The following POLR3GL variants were observed in gnomAD, a reference collection of about 807,000 sequenced individuals.
The protein encoded by POLR3GL is RNA polymerase III subunit GL, also known as DNA-directed RNA polymerase III subunit RPC7-like.
A neutral mutation model predicts 32.4 loss-of-function variants in POLR3GL; 26 were observed. That is an observed-to-expected ratio of 0.80 (90% CI 0.59 to 1.11). The LOEUF is 1.11. Among genes scored for constraint, POLR3GL ranks in the 50% most tolerant of loss-of-function variants. POLR3GL has a pLI of 0.00. For synonymous variants in POLR3GL, 95 were observed against 98.7 expected (o/e 0.96, Z 0.22); for missense variants, 229 against 280.1 (o/e 0.82, Z 1.30).
chr1:145,976,884 G>C lies in POLR3GL; in HGVS notation c.257-200G>C, dbSNP rs587761768. The stretch of plus-strand genomic sequence containing the variant: ...GCTGAGATTGTACCACTGCACTCCA[G>C]CCTGAGGGACAGAGCGAGACTCTGT... On this transcript the variant is annotated intron_variant, in intron 3 of 7. Coordinates refer to ENST00000369314, the MANE Select transcript of POLR3GL (RefSeq NM_032305.3). Among the ~76,000 whole-genome samples, 159 of 140,740 alleles carry C rather than the reference G, an allele frequency of 1.1e-3. 1 individual carries two copies. Among genetic ancestry groups the C allele is most frequent in the African/African-American group, 4.0e-3 (153 of 37,852 alleles). 92.3% of individuals were successfully genotyped at this position (140,740 alleles called of 152,430 possible).
intron 1 of POLR3GL, among the ~76,000 whole-genome samples, chr1:145,972,059 A>T (rs1169801652): frequency 2.9e-5 from 4 of 139,572 alleles, no homozygotes; most frequent in African/African-American, 1.1e-4. Flanking sequence ...GAGAGAGAGA[A>T]ATTCCCTATA....
At chr1:145,977,704 T>C (rs1650625689) in intron 5 of POLR3GL, 74 bp from the exon 6 acceptor site, 7 of 1,432,362 alleles carry the variant, frequency 4.9e-6, no homozygotes, top group Non-Finnish European at 6.9e-6. Context: ...AGTGACATGT[T>C]CTTTGCATGA....
chr1:145,971,964 CAAAAAAAAA>C (rs1187495263), intron 1 of POLR3GL, among the ~76,000 whole-genome samples: 1 of 45,590 alleles, frequency 2.2e-5, no homozygotes, highest in African/African-American at 1.2e-4. Context: ...GACTCTGTCT[CAAAAAAAAA>C]AAAAAAAAAA....
intron 3 of POLR3GL, among the ~76,000 whole-genome samples, chr1:145,975,984 A>G (rs587636321): frequency 6.9e-4 from 105 of 151,254 alleles, no homozygotes; most frequent in African/African-American, 2.3e-3. Context: ...AAAAAAAAAA[A>G]TCATCATGGC....
chr1:145,976,967 C>A, intron 3 of POLR3GL, 117 bp from the exon 4 acceptor site: 1 of 784,610 alleles, frequency 1.3e-6, no homozygotes, highest in Non-Finnish European at 2.2e-6. Flanking sequence ...ACCCCCTGGG[C>A]TCTGGGTTTG....
Position 145,974,904 on chromosome 1 carries a change from C to T in POLR3GL, c.39C>T (p.Gly13=). 2 of 1,523,186 alleles carry T rather than the reference C, an allele frequency of 1.3e-6. No individual in the cohort carries two copies. Among genetic ancestry groups the T allele is most frequent in the Non-Finnish European group, 1.7e-6 (2 of 1,145,336 alleles). 94.4% of individuals were successfully genotyped at this position (1,523,186 alleles called of 1,614,324 possible). A position where few individuals can be genotyped will look rare whatever the true frequency, so the allele number is the denominator to read the frequency against. The change falls in exon 2 of 8, where the codon GGC becomes GGT. Residue 13 remains glycine (G), a synonymous_variant. Coordinates refer to ENST00000369314, the MANE Select transcript of POLR3GL (RefSeq NM_032305.3). ...SRGGGRGRGR[G]QLTFNVEAVG... The stretch of plus-strand genomic sequence containing the variant: ...GTGGGGGCCGGGGTCGTGGCCGGGG[C>T]CAGTTGACCTTCAACGTGGAGGCCG...
chr1:145,977,792 C>T lies in POLR3GL; in HGVS notation c.397C>T (p.Leu133Phe), dbSNP rs151149111. ...KLQKERITIL[L>F]PKRPPKTTED... ...CCCTCCACCAGGGATTACAATTCTG[C>T]TCCCCAAGAGGCCCCCTAAGACCAC... Residue 133 changes from leucine to phenylalanine, a missense_variant, in exon 6 of 8, where the codon CTC (leucine) becomes TTC (phenylalanine). Physicochemically the swap from Leu to Phe is conservative, Grantham distance 22. Coordinates refer to ENST00000369314, the MANE Select transcript of POLR3GL (RefSeq NM_032305.3). 4 of 1,613,906 alleles carry T rather than the reference C, an allele frequency of 2.5e-6. No homozygotes were observed. The African/African-American group carries it at 4.0e-5, about 16-fold the overall frequency.
Position 145,972,010 on chromosome 1 carries a change from A to G in POLR3GL, c.-41-2815A>G, listed in dbSNP as rs57987863. On this transcript the variant is annotated intron_variant, in intron 1 of 7. Coordinates refer to ENST00000369314, the MANE Select transcript of POLR3GL (RefSeq NM_032305.3). ...AAAAAATATATATATATATATATAT[A>G]TACGTGTGTGTGTGTGTGTGTATAT... 1.3e-3 allele frequency among the ~76,000 whole-genome samples: 153 copies of G among 119,428 alleles called. 2 individuals are homozygous for G. The highest frequency in any genetic ancestry group is 6.1e-3 in the African/African-American group (144 of 23,756). 78.3% of individuals were successfully genotyped at this position (119,428 alleles called of 152,430 possible).
intron 1 of POLR3GL, 134 bp from the exon 2 acceptor site, chr1:145,974,691 C>A: frequency 1.9e-6 from 1 of 539,846 alleles, no homozygotes; most frequent in Non-Finnish European, 3.0e-6. Context: ...TGACACTGTG[C>A]CTTCTCAGTC....
chr1:145,978,802 G>T lies in POLR3GL; in HGVS notation c.*355G>T. 1 of 213,322 alleles carries T rather than the reference G, an allele frequency of 4.7e-6. No individual in the cohort carries two copies. Among genetic ancestry groups the T allele is most frequent in the Admixed American group, 5.5e-5 (1 of 18,048 alleles). The allele number at this position is 213,322 out of a possible 1,614,324, so 13.2% of individuals were successfully genotyped here. A position where few individuals can be genotyped will look rare whatever the true frequency, so the allele number is the denominator to read the frequency against. Reference sequence around the variant, plus strand: ...TAATTAGGGGTGGGAGCAGTTTGAAGGAGTAAGCCTGGTTTTATACTTTTA... The same window carrying T: ...TAATTAGGGGTGGGAGCAGTTTGAATGAGTAAGCCTGGTTTTATACTTTTA... On this transcript the variant is annotated 3_prime_UTR_variant, in exon 8 of 8. Coordinates refer to ENST00000369314, the MANE Select transcript of POLR3GL (RefSeq NM_032305.3).
chr1:145,978,062 A>T lies in POLR3GL; in HGVS notation c.536A>T (p.Glu179Val). ...KEEEEEKEEEEEEEYDEEEHE... is the reference protein window; with the variant it reads ...KEEEEEKEEEVEEEYDEEEHE... Reference sequence around the variant, plus strand: ...GAAGAAGAAGAGAAGGAAGAGGAGGAAGAAGAAGAGTATGATGAAGAAGAA... The same window carrying T: ...GAAGAAGAAGAGAAGGAAGAGGAGGTAGAAGAAGAGTATGATGAAGAAGAA... The change falls in exon 7 of 8, where the codon GAA (glutamate) becomes GTA (valine). Residue 179 changes from glutamate (E) to valine (V), a missense_variant. Coordinates refer to ENST00000369314, the MANE Select transcript of POLR3GL (RefSeq NM_032305.3). 6.2e-7 allele frequency: 1 copy of T among 1,605,430 alleles called. No individual in the cohort carries two copies. Among genetic ancestry groups the T allele is most frequent in the Admixed American group, 1.7e-5 (1 of 59,146 alleles).
intron 1 of POLR3GL, among the ~76,000 whole-genome samples, chr1:145,973,170 G>C (rs1650403128): frequency 6.6e-6 from 1 of 152,064 alleles, no homozygotes; most frequent in Non-Finnish European, 1.5e-5. Context: ...CCAAGATCTG[G>C]GTGCTAGGTG....
At chr1:145,971,123 T>G (rs1650267325) in intron 1 of POLR3GL, among the ~76,000 whole-genome samples, 1 of 138,472 alleles carries the variant, frequency 7.2e-6, no homozygotes, top group Admixed American at 7.8e-5. Flanking sequence ...GAGGCGGAAG[T>G]TGCAGTGAGC....
At chr1:145,977,009 A>G in intron 3 of POLR3GL, 75 bp from the exon 4 acceptor site, 2 of 1,233,810 alleles carry the variant, frequency 1.6e-6, no homozygotes, top group South Asian at 2.4e-5. Context: ...CTCAGTATTG[A>G]GAGGGCTGGA....
chr1:145,967,170 A>G (rs1553762165), intron 1 of POLR3GL, among the ~76,000 whole-genome samples: 1 of 146,750 alleles, frequency 6.8e-6, no homozygotes, highest in African/African-American at 2.5e-5. Context: ...TTTATTGGCC[A>G]TTCTCTCTCC....
At chr1:145,972,158 G>A (rs55986316) in intron 1 of POLR3GL, among the ~76,000 whole-genome samples, 12,827 of 149,972 alleles carry the variant, frequency 0.086, 1,794 homozygotes, top group African/African-American at 0.29. Flanking sequence ...AGGTGGGTGG[G>A]TCACCTGAGG....
At chr1:145,970,853 C>CA (rs1300786973) in intron 1 of POLR3GL, among the ~76,000 whole-genome samples, 1 of 103,496 alleles carries the variant, frequency 9.7e-6, no homozygotes, top group African/African-American at 3.8e-5. Context: ...TCCAGCCGGG[C>CA]AACAAGAGCG....
chr1:145,978,210 T>A, intron 7 of POLR3GL, 114 bp downstream of exon 7: 2 of 1,414,570 alleles, frequency 1.4e-6, no homozygotes, highest in East Asian at 4.8e-5. Context: ...GGGTAGGGGC[T>A]TCTCTCTACT....
Position 145,975,325 on chromosome 1 carries a change from G to A in POLR3GL, c.145G>A (p.Val49Ile), listed in dbSNP as rs782162472. The A allele has an allele frequency of 6.2e-7, 1 of 1,614,138 alleles. No homozygotes were observed. Among genetic ancestry groups the A allele is most frequent in the South Asian group, 1.1e-5 (1 of 91,082 alleles). The change falls in exon 3 of 8, where the codon GTA (valine) becomes ATA (isoleucine). Residue 49 changes from valine (V) to isoleucine (I), a missense_variant. Physicochemically the swap from Val to Ile is conservative, Grantham distance 29 (BLOSUM62 3). Transcript: ENST00000369314. The stretch of plus-strand genomic sequence containing the variant: ...TCTTTAGCCCTTGGAGTTCCGCCCA[G>A]TACCTTTGCCCTCAGGCGAGGAAGG... ...PLFPPLEFRP[V>I]PLPSGEEGEY...
Sources: gnomAD v4.1 joint callset for allele counts (sites outside exome capture counted in the v4.1 genomes callset) on GRCh38, gnomAD v4.1.1 for gene constraint, MANE v1.5 for transcripts, NCBI Gene and HGNC (gene_info 2026-07-23, HGNC 2026-07-21) for gene names.